KLHL33: variants seen among roughly 807,000 people sequenced by gnomAD.
KLHL33 encodes kelch like family member 33, also known as kelch-like protein 33.
A neutral mutation model predicts 60.8 loss-of-function variants in KLHL33; 46 were observed. That is an observed-to-expected ratio of 0.76 (90% CI 0.60 to 0.97). The LOEUF (loss-of-function observed/expected upper bound fraction) is 0.97. Among genes scored for constraint, KLHL33 ranks in the 50% least tolerant of loss-of-function variants. KLHL33 has a pLI of 0.00. For synonymous variants in KLHL33, 434 were observed against 432.2 expected (o/e 1.00, Z -0.05); for missense variants, 1,055 against 1,000.0 (o/e 1.05, Z -0.74).
rs758694178 is a variant in KLHL33, at chr14:20,430,709, G to A, written c.759C>T (p.Ala253=). ...AGGCQLSVHR[A]ALACGSEFFG... ...AGAACTCACTGCCACAGGCCAGGGC[G>A]GCTCGGTGCACTGCAGGAGGGGAGA... is the stretch of plus-strand genomic sequence containing the variant. The change falls in exon 3 of 5, where the codon GCC becomes GCT. Residue 253 remains alanine, a synonymous_variant. Coordinates refer to ENST00000636854, the MANE Select transcript of KLHL33 (RefSeq NM_001365790.2). The A allele has an allele frequency of 1.8e-5, 27 of 1,517,698 alleles. No homozygotes were observed. Among genetic ancestry groups the A allele is most frequent in the African/African-American group, 5.5e-5 (4 of 72,720 alleles). The allele number at this position is 1,517,698 out of a possible 1,614,324, so 94.0% of individuals were successfully genotyped here.
chr14:20,434,512 G>T (rs959301542), intron 2 of KLHL33, among the ~76,000 whole-genome samples: 11 of 150,754 alleles, frequency 7.3e-5, no homozygotes, highest in African/African-American at 2.7e-4. Flanking sequence ...CTGCACTCCA[G>T]CCTGGGCAAC....
rs1397632778 is a variant in KLHL33, at chr14:20,429,172, C to A, written c.2071G>T (p.Gly691Cys). ...GGRLYVAGGL[G>C]ETEDLLSFEA... ...AAGCTTAGCAGGTCCTCAGTCTCAC[C>A]CAGCCCACCTGCCACATACAACCTC... is the stretch of plus-strand genomic sequence containing the variant. Residue 691 changes from glycine (G) to cysteine (C), a missense_variant, in exon 5 of 5, where the codon GGT becomes TGT. Gly to Cys is a radical substitution (Grantham distance 159, BLOSUM62 -3). Transcript: ENST00000636854. 1 of 1,551,732 alleles carries A rather than the reference C, an allele frequency of 6.4e-7. No homozygotes were observed. The highest frequency in any genetic ancestry group is 2.0e-5 in the Admixed American group (1 of 51,004).
At position 20,429,357 on chromosome 14, in the gene KLHL33, G is replaced by T; in HGVS notation, c.1886C>A (p.Ala629Glu). The T allele has an allele frequency of 6.4e-6, 10 of 1,551,730 alleles. No homozygotes were observed. The highest frequency in any genetic ancestry group is 7.8e-6 in the Non-Finnish European group (9 of 1,146,996). ...CACGTACAACTGGCCCTCCAAAATC[G>T]CAGCTGCGTGGGCAAAACATGGTGC... ...LPAPCFAHAA[A>E]ILEGQLYVSG... is the part of the protein sequence containing the mutation. The change falls in exon 5 of 5, where the codon GCG becomes GAG. Residue 629 changes from alanine (A) to glutamate (E), a missense_variant. Physicochemically the swap from Ala to Glu is moderately radical, Grantham distance 107. Coordinates refer to ENST00000636854, the MANE Select transcript of KLHL33 (RefSeq NM_001365790.2).
rs1880690381 is a variant in KLHL33, at chr14:20,436,151, C to G, written c.-72G>C. ...CCCTCTCACTTAAGCGCCCGCTGTG[C>G]TTGGGGCTGCGTGGCAGAGGGAACT... On this transcript the variant is annotated 5_prime_UTR_variant, in exon 1 of 5. Coordinates refer to ENST00000636854, the MANE Select transcript of KLHL33 (RefSeq NM_001365790.2). The G allele has an allele frequency of 5.4e-6, 1 of 183,698 alleles. No homozygotes were observed. Among genetic ancestry groups the G allele is most frequent in the East Asian group, 1.4e-4 (1 of 7,296 alleles). The allele number at this position is 183,698 out of a possible 1,614,324, so 11.4% of individuals were successfully genotyped here.
In KLHL33 at chr14:20,428,991, T is replaced by C. The variant is rs899992336; in HGVS notation, c.2252A>G (p.Tyr751Cys). The C allele has an allele frequency of 6.4e-7, 1 of 1,551,644 alleles. No homozygotes were observed. Among genetic ancestry groups the C allele is most frequent in the Non-Finnish European group, 8.7e-7 (1 of 1,146,972 alleles). The change falls in exon 5 of 5, where the codon TAC becomes TGC. Residue 751 changes from tyrosine (Y) to cysteine (C), a missense_variant. Physicochemically the swap from Tyr to Cys is radical, Grantham distance 194. Coordinates refer to ENST00000636854, the MANE Select transcript of KLHL33 (RefSeq NM_001365790.2). ...GAGCCATCGGCCCAGGCCAGGACAG[T>C]AGGCATGGATAAGGTGAGAGAGGGC... Reference protein sequence around the residue: ...TYALSHLIHAYCPGLGRWLCL... With the variant: ...TYALSHLIHACCPGLGRWLCL...
Position 20,435,383 on chromosome 14 carries a change from C to T in KLHL33, c.429G>A (p.Leu143=). The change falls in exon 2 of 5, where the codon CTG becomes CTA. Residue 143 remains leucine, a synonymous_variant. Transcript: ENST00000636854. ...AISSLFRDRL[L]GGGGPRPPFS... is the part of the protein sequence containing the mutation. ...AGGGGGGCCGCGGACCTCCGCCGCC[C>T]AGCAGCCTGTCTCGGAAGAGGCTGC... 8.1e-7 allele frequency: 1 copy of T among 1,234,218 alleles called. No individual in the cohort carries two copies. Among genetic ancestry groups the T allele is most frequent in the African/African-American group, 1.6e-5 (1 of 64,504 alleles). The allele number at this position is 1,234,218 out of a possible 1,614,324, so 76.5% of individuals were successfully genotyped here.
chr14:20,428,856 G>A lies in KLHL33; in HGVS notation c.2387C>T (p.Ala796Val), dbSNP rs1442078858. The A allele has an allele frequency of 1.9e-6, 3 of 1,549,584 alleles. No homozygotes were observed. The African/African-American group carries it at 4.1e-5, about 21-fold the overall frequency. ...LVPTPHQTKP[A>V]G ...TACACTGTTGCTCCCTCTTCACCCAGCAGGTTTGGTTTGGTGTGGGGTGGG... is the reference window on the plus strand; with the variant it reads ...TACACTGTTGCTCCCTCTTCACCCAACAGGTTTGGTTTGGTGTGGGGTGGG... The change falls in exon 5 of 5, where the codon GCT becomes GTT. Residue 796 changes from alanine (A) to valine (V), a missense_variant. Ala to Val is a moderately conservative substitution (Grantham distance 64). Coordinates refer to ENST00000636854, the MANE Select transcript of KLHL33 (RefSeq NM_001365790.2).
chr14:20,435,252 G>T lies in KLHL33; in HGVS notation c.560C>A (p.Ala187Glu). 1 of 1,234,398 alleles carries T rather than the reference G, an allele frequency of 8.1e-7. No homozygotes were observed. Among genetic ancestry groups the T allele is most frequent in the Non-Finnish European group, 1.0e-6 (1 of 988,206 alleles). The allele number at this position is 1,234,398 out of a possible 1,614,324, so 76.5% of individuals were successfully genotyped here. ...AGCCTTCACCCGGGGCGCTCCCAGC[G>T]CCTCTGCTGCGGCCAGCACATCCCC... ...SQGDVLAAAE[A>E]LGAPRVKAAA... is the part of the protein sequence containing the mutation. The change falls in exon 2 of 5, where the codon GCG (alanine) becomes GAG (glutamate). Residue 187 changes from alanine to glutamate, a missense_variant. Transcript: ENST00000636854.
chr14:20,430,696 C>A lies in KLHL33; in HGVS notation c.772G>T (p.Gly258Cys). 1 of 1,529,712 alleles carries A rather than the reference C, an allele frequency of 6.5e-7. No homozygotes were observed. Among genetic ancestry groups the A allele is most frequent in the Non-Finnish European group, 8.7e-7 (1 of 1,143,644 alleles). 94.8% of individuals were successfully genotyped at this position (1,529,712 alleles called of 1,614,324 possible). ...AGCATGGCCCCAAAGAACTCACTGCCACAGGCCAGGGCGGCTCGGTGCACT... is the reference window on the plus strand; with the variant it reads ...AGCATGGCCCCAAAGAACTCACTGCAACAGGCCAGGGCGGCTCGGTGCACT... Reference protein sequence around the residue: ...LSVHRAALACGSEFFGAMLLS... With the variant: ...LSVHRAALACCSEFFGAMLLS... The change falls in exon 3 of 5, where the codon GGC (glycine) becomes TGC (cysteine). Residue 258 changes from glycine to cysteine, a missense_variant. Physicochemically the swap from Gly to Cys is radical, Grantham distance 159. Coordinates refer to ENST00000636854, the MANE Select transcript of KLHL33 (RefSeq NM_001365790.2).
chr14:20,432,933 A>AGAAT (rs1491337028), intron 2 of KLHL33, among the ~76,000 whole-genome samples: 2 of 146,506 alleles, frequency 1.4e-5, no homozygotes, highest in Non-Finnish European at 3.0e-5. Flanking sequence ...AAAAAAAGAA[A>AGAAT]GAAAGAAAGA....
Position 20,426,902 on chromosome 14 carries a change from AATC to A in KLHL33, c.*1944_*1946del, listed in dbSNP as rs1880293212. 1 of 151,738 alleles carries A rather than the reference AATC, an allele frequency of 6.6e-6. No homozygotes were observed. The highest frequency in any genetic ancestry group is 1.5e-5 in the Non-Finnish European group (1 of 67,992). 9.4% of individuals were successfully genotyped at this position (151,738 alleles called of 1,614,324 possible). A position where few individuals can be genotyped will look rare whatever the true frequency, so the allele number is the denominator to read the frequency against. ...TTGTAGGGACATGGATGAGATTGGA[AATC>A]ATCATTCTCAGTAAACTATCGCAAG... On this transcript the variant is annotated 3_prime_UTR_variant, in exon 5 of 5. Coordinates refer to ENST00000636854, the MANE Select transcript of KLHL33 (RefSeq NM_001365790.2).
At chr14:20,432,926 A>AAAAGAAG (rs1555330503) in intron 2 of KLHL33, among the ~76,000 whole-genome samples, 22 of 104,672 alleles carry the variant, frequency 2.1e-4, no homozygotes, top group African/African-American at 8.4e-4. Flanking sequence ...CATCTCAAAA[A>AAAAGAAG]AAAGAAAGAA....
rs1185939618 is a variant in KLHL33, at chr14:20,435,428, C to T, written c.384G>A (p.Arg128=). 13 of 1,234,306 alleles carry T rather than the reference C, an allele frequency of 1.1e-5. No individual in the cohort carries two copies. In the African/African-American group the frequency reaches 1.6e-4, roughly 15 times the overall value. The allele number at this position is 1,234,306 out of a possible 1,614,324, so 76.5% of individuals were successfully genotyped here. A position where few individuals can be genotyped will look rare whatever the true frequency, so the allele number is the denominator to read the frequency against. Residue 128 remains arginine (R), a synonymous_variant, in exon 2 of 5, where the codon CGG becomes CGA. Coordinates refer to ENST00000636854, the MANE Select transcript of KLHL33 (RefSeq NM_001365790.2). ...SVAGRVYGVH[R]VILAAISSLF... ...GGCTGCTGATTGCGGCCAGGATCACCCGATGCACCCCGTATACCCGCCCCG... is the reference window on the plus strand; with the variant it reads ...GGCTGCTGATTGCGGCCAGGATCACTCGATGCACCCCGTATACCCGCCCCG...
rs1566499148 is a variant in KLHL33 at position 20,429,494 on chromosome 14, C to T, written c.1841+8G>A. ...TAATCTCTCCCAGATGCCCCCTTGC[C>T]TGCTTACCTCCAGACATTGAGCTCA... On this transcript the variant is annotated splice_region_variant and intron_variant, in intron 4 of 4. Transcript: ENST00000636854. 5 of 1,552,146 alleles carry T rather than the reference C, an allele frequency of 3.2e-6. No homozygotes were observed. Among genetic ancestry groups the T allele is most frequent in the Non-Finnish European group, 4.4e-6 (5 of 1,147,034 alleles).
Position 20,430,739 on chromosome 14 carries a change from A to G in KLHL33, c.749-20T>C. ...GGTGCACTGCAGGAGGGGAGAAGGAATAGAGGAGGACTCAAAGTATTGCAA... is the reference window on the plus strand; with the variant it reads ...GGTGCACTGCAGGAGGGGAGAAGGAGTAGAGGAGGACTCAAAGTATTGCAA... On this transcript the variant is annotated intron_variant, in intron 2 of 4. Coordinates refer to ENST00000636854, the MANE Select transcript of KLHL33 (RefSeq NM_001365790.2). 6.8e-7 allele frequency: 1 copy of G among 1,467,604 alleles called. No individual in the cohort carries two copies. 90.9% of individuals were successfully genotyped at this position (1,467,604 alleles called of 1,614,324 possible). A position where few individuals can be genotyped will look rare whatever the true frequency, so the allele number is the denominator to read the frequency against.
intron 4 of KLHL33, 27 bp from the exon 5 acceptor site, chr14:20,429,428 G>C (rs1272646468): frequency 7.7e-6 from 12 of 1,550,080 alleles, no homozygotes; most frequent in Non-Finnish European, 1.0e-5. Flanking sequence ...CACAAGATAA[G>C]GCAACTAGCA....
In KLHL33 at chr14:20,429,965, G is replaced by T. The variant is rs375936916; in HGVS notation, c.1503C>A (p.Ala501=). ...QPSRAVWWAR[A]FRCGVGLVRT... is the part of the protein sequence containing the mutation. The stretch of plus-strand genomic sequence containing the variant: ...GTACCAGTCCCACGCCACAGCGGAA[G>T]GCCCGGGCCCACCACACTGCTCGGG... The change falls in exon 3 of 5, where the codon GCC becomes GCA. Residue 501 remains alanine (A), a synonymous_variant. Coordinates refer to ENST00000636854, the MANE Select transcript of KLHL33 (RefSeq NM_001365790.2). The T allele has an allele frequency of 1.2e-4, 181 of 1,551,700 alleles. No individual in the cohort carries two copies. In the African/African-American group the frequency reaches 2.0e-3, roughly 17 times the overall value.
At chr14:20,434,400 G>A (rs936259780) in intron 2 of KLHL33, among the ~76,000 whole-genome samples, 1 of 152,122 alleles carries the variant, frequency 6.6e-6, no homozygotes, top group African/African-American at 2.4e-5. Flanking sequence ...AATTAGCCAG[G>A]CATGGTGGCA....
rs1254113010 is a variant in KLHL33 at position 20,426,983 on chromosome 14, T to G, written c.*1866A>C. ...TCACTCATAGGTGGGAATTGAACAA[T>G]GAGAACACGTGGACACAGGAAGGGG... is the stretch of plus-strand genomic sequence containing the variant. On this transcript the variant is annotated 3_prime_UTR_variant, in exon 5 of 5. Coordinates refer to ENST00000636854, the MANE Select transcript of KLHL33 (RefSeq NM_001365790.2). 4 of 125,880 alleles carry G rather than the reference T, an allele frequency of 3.2e-5. No individual in the cohort carries two copies. Among genetic ancestry groups the G allele is most frequent in the African/African-American group, 9.3e-5 (3 of 32,308 alleles). The allele number at this position is 125,880 out of a possible 1,614,324, so 7.8% of individuals were successfully genotyped here. A position where few individuals can be genotyped will look rare whatever the true frequency, so the allele number is the denominator to read the frequency against.
Sources: allele counts gnomAD v4.1 joint callset (sites outside exome capture counted in the v4.1 genomes callset), GRCh38; gene constraint gnomAD v4.1.1; transcripts MANE v1.5; gene names NCBI Gene and HGNC (gene_info 2026-07-23, HGNC 2026-07-21).